Variants in PCDH9 observed in about 807,000 individuals in gnomAD.
The protein encoded by PCDH9 is protocadherin 9.
PCDH9 carries 24 observed loss-of-function variants against 70.6 expected under a neutral mutation model. The ratio of observed to expected loss-of-function variants is 0.34; its 90% CI spans 0.25 to 0.48. The LOEUF (loss-of-function observed/expected upper bound fraction) is 0.48. Among genes scored for constraint, PCDH9 ranks in the 20% least tolerant of loss-of-function variants. The pLI is 0.99. For missense variants in PCDH9, 1,281 were observed against 1,503.6 expected (o/e 0.85, Z 2.45); for synonymous variants, 562 against 558.5 (o/e 1.01, Z -0.09).
intron 3 of PCDH9, among the ~76,000 whole-genome samples, chr13:66,863,740 CTGCCTCACAAAGTGAAT>C (rs1392332036): frequency 6.6e-6 from 1 of 152,138 alleles, no homozygotes; most frequent in Non-Finnish European, 1.5e-5. Context: ...CCAAAGTGAT[CTGCCTCACAAAGTGAAT>C]ACCAATTTTT....
intron 4 of PCDH9, among the ~76,000 whole-genome samples, chr13:66,534,207 G>C (rs1960590633): frequency 6.6e-6 from 1 of 150,744 alleles, no homozygotes. Context: ...TTTTTGTAAA[G>C]AGTCAGAAGA....
At chr13:66,810,808 A>G (rs1196664203) in intron 3 of PCDH9, among the ~76,000 whole-genome samples, 1 of 151,864 alleles carries the variant, frequency 6.6e-6, no homozygotes, top group Non-Finnish European at 1.5e-5. Context: ...AAAAAGATGT[A>G]TTAATTATTA....
intron 3 of PCDH9, among the ~76,000 whole-genome samples, chr13:66,676,320 AT>A (rs763722264): frequency 3.3e-5 from 5 of 152,288 alleles, no homozygotes; most frequent in African/African-American, 4.8e-5. Context: ...GATAATTGTA[AT>A]TATTATTACA....
At chr13:66,987,140 A>G (rs148649137) in intron 2 of PCDH9, among the ~76,000 whole-genome samples, 387 of 152,202 alleles carry the variant, frequency 2.5e-3, no homozygotes, top group African/African-American at 8.5e-3. Flanking sequence ...ATAATTTAAA[A>G]GTAAATAAAA....
chr13:66,450,176 T>G (rs999180092), intron 4 of PCDH9, among the ~76,000 whole-genome samples: 2 of 152,182 alleles, frequency 1.3e-5, no homozygotes, highest in African/African-American at 4.8e-5. Context: ...CTTTCAATAT[T>G]GTATAAAATC....
At chr13:66,882,792 A>G (rs1172363560) in intron 3 of PCDH9, among the ~76,000 whole-genome samples, 2 of 152,162 alleles carry the variant, frequency 1.3e-5, no homozygotes, top group South Asian at 4.1e-4. Flanking sequence ...TTACAAATAT[A>G]TAAATCTCAT....
intron 2 of PCDH9, among the ~76,000 whole-genome samples, chr13:66,944,471 T>C (rs1006662242): frequency 7.9e-5 from 12 of 152,218 alleles, no homozygotes; most frequent in African/African-American, 2.9e-4. Flanking sequence ...TTTTCTACTT[T>C]ACCTTATTCA....
At chr13:67,204,983 TAAA>T (rs2089303173) in intron 2 of PCDH9, 1 of 152,268 alleles carries the variant, frequency 6.6e-6, no homozygotes, top group African/African-American at 2.4e-5. Context: ...TTGGTCTAAT[TAAA>T]TATGAGTTCC....
intron 3 of PCDH9, among the ~76,000 whole-genome samples, chr13:66,718,042 T>C (rs1238794231): frequency 1.3e-5 from 2 of 152,132 alleles, no homozygotes; most frequent in African/African-American, 4.8e-5. Flanking sequence ...AAAGGGTACA[T>C]TGATTTTATT....
At chr13:67,142,373 T>C (rs549243949) in intron 2 of PCDH9, among the ~76,000 whole-genome samples, 36 of 152,318 alleles carry the variant, frequency 2.4e-4, no homozygotes, top group Admixed American at 8.5e-4. Flanking sequence ...AAACTGACTC[T>C]ATATAAAAAA....
At chr13:67,042,375 C>A (rs1481948063) in intron 2 of PCDH9, among the ~76,000 whole-genome samples, 1 of 152,106 alleles carries the variant, frequency 6.6e-6, no homozygotes, top group Non-Finnish European at 1.5e-5. Context: ...GCACCTTCTT[C>A]ACAAGGCAGC....
chr13:66,906,990 G>C (rs2082372695), intron 2 of PCDH9, among the ~76,000 whole-genome samples: 4 of 152,112 alleles, frequency 2.6e-5, no homozygotes, highest in Admixed American at 2.6e-4. Context: ...CGGATCACCT[G>C]TGGTCAGGAG....
chr13:67,201,848 T>C (rs2089220981), intron 2 of PCDH9: 1 of 152,018 alleles, frequency 6.6e-6, no homozygotes, highest in African/African-American at 2.4e-5. Flanking sequence ...TAATATACTG[T>C]ACTGTAAGTG....
intron 2 of PCDH9, among the ~76,000 whole-genome samples, chr13:67,034,552 T>A (rs541331593): frequency 2.6e-4 from 40 of 152,166 alleles, no homozygotes; most frequent in Non-Finnish European, 5.1e-4. Flanking sequence ...CGGATCTATA[T>A]TTTACTCACT....
intron 3 of PCDH9, among the ~76,000 whole-genome samples, chr13:66,827,399 G>A (rs9599157): frequency 0.5 from 75,019 of 149,062 alleles, 20,401 homozygotes; most frequent in South Asian, 0.66. Flanking sequence ...AGCTTAGAGA[G>A]GTAGCAGGTA....
chr13:66,562,295 T>C (rs2076585174), intron 4 of PCDH9, among the ~76,000 whole-genome samples: 2 of 152,214 alleles, frequency 1.3e-5, no homozygotes, highest in South Asian at 4.2e-4. Flanking sequence ...GCATGTAGGC[T>C]GCTCTATTTT....
chr13:66,519,054 G>A (rs1959872285), intron 4 of PCDH9, among the ~76,000 whole-genome samples: 1 of 152,074 alleles, frequency 6.6e-6, no homozygotes, highest in South Asian at 2.1e-4. Flanking sequence ...ATTCGAGGCT[G>A]GGAACTACTA....
At chr13:66,346,690 C>G (rs1265836799) in intron 4 of PCDH9, among the ~76,000 whole-genome samples, 1 of 152,142 alleles carries the variant, frequency 6.6e-6, no homozygotes, top group African/African-American at 2.4e-5. Context: ...TTTTAAAAAT[C>G]TCTTCTGTGA....
intron 3 of PCDH9, among the ~76,000 whole-genome samples, chr13:66,652,886 A>C (rs2077872828): frequency 6.6e-6 from 1 of 152,166 alleles, no homozygotes; most frequent in Admixed American, 6.5e-5. Flanking sequence ...AAGAACATAC[A>C]TTGAGGGAAA....
Sources: gnomAD v4.1 joint callset for allele counts (sites outside exome capture counted in the v4.1 genomes callset) on GRCh38, gnomAD v4.1.1 for gene constraint, MANE v1.5 for transcripts, NCBI Gene and HGNC (gene_info 2026-07-23, HGNC 2026-07-21) for gene names.